Variants in ATP8B1 observed in about 807,000 individuals in gnomAD.
ATP8B1 encodes ATPase phospholipid transporting 8B1, also known as phospholipid-transporting ATPase IC.
Under a neutral mutation model 149.9 loss-of-function variants are expected in ATP8B1, and 80 were observed. The ratio of observed to expected loss-of-function variants is 0.53; its 90% CI spans 0.45 to 0.64. ATP8B1 has a LOEUF of 0.64. Ranked by LOEUF, ATP8B1 falls within the 30% of genes least tolerant of loss-of-function variation. The pLI is 0.00. For missense variants in ATP8B1, 1,247 were observed against 1,552.6 expected (o/e 0.80, Z 3.31); for synonymous variants, 536 against 562.8 (o/e 0.95, Z 0.67).
intron 26 of ATP8B1, among the ~76,000 whole-genome samples, chr18:57,651,191 C>T (rs1328389918): frequency 1.3e-5 from 2 of 152,176 alleles, no homozygotes; most frequent in Non-Finnish European, 2.9e-5. Context: ...ACTGCAGCCT[C>T]AACCTCCTGG....
At chr18:57,768,700 A>G (rs1057080337) in intron 1 of ATP8B1, among the ~76,000 whole-genome samples, 1 of 152,170 alleles carries the variant, frequency 6.6e-6, no homozygotes. Context: ...AAGTTCTAAA[A>G]ATAAAATGCA....
intron 1 of ATP8B1, among the ~76,000 whole-genome samples, chr18:57,783,087 A>G (rs2080372850): frequency 6.6e-6 from 1 of 152,058 alleles, no homozygotes; most frequent in Non-Finnish European, 1.5e-5. Context: ...TGCTGGGATT[A>G]CAGGCGTGAG....
chr18:57,795,034 A>AG (rs770346025), intron 1 of ATP8B1, among the ~76,000 whole-genome samples: 183 of 152,170 alleles, frequency 1.2e-3, no homozygotes, highest in Admixed American at 1.7e-3. Context: ...AAACTGAATA[A>AG]GGGGGGCTCA....
Position 57,661,680 on chromosome 18 carries a change from C to CAT in ATP8B1, c.2419-219_2419-218insAT, listed in dbSNP as rs200586970. Among the ~76,000 whole-genome samples, 39,731 of 111,840 alleles carry CAT rather than the reference C, an allele frequency of 0.36. 6,418 individuals are homozygous for CAT. Among genetic ancestry groups the CAT allele is most frequent in the South Asian group, 0.46 (1,488 of 3,228 alleles). 73.4% of individuals were successfully genotyped at this position (111,840 alleles called of 152,430 possible). On this transcript the variant is annotated intron_variant, in intron 21 of 27. Transcript: ENST00000648908. Reference sequence around the variant, plus strand: ...ATATGTATGTGTGTATGTATATACACACACACACACACACACATATATATA... The same window carrying CAT: ...ATATGTATGTGTGTATGTATATACACATACACACACACACACACATATATATA...
At chr18:57,697,975 A>G in intron 6 of ATP8B1, 108 bp from the exon 7 acceptor site, 1 of 1,072,682 alleles carries the variant, frequency 9.3e-7, no homozygotes, top group South Asian at 1.4e-5. Context: ...AGTCACAGAG[A>G]AAATGCTAAA....
At chr18:57,654,698 T>C (rs1370422958) in intron 23 of ATP8B1, among the ~76,000 whole-genome samples, 141 of 97,714 alleles carry the variant, frequency 1.4e-3, no homozygotes, top group Non-Finnish European at 2.8e-3. Flanking sequence ...TCCCCTCCTT[T>C]TTTTTTTTTT....
In ATP8B1 at chr18:57,648,602, C is replaced by T; in HGVS notation, c.3642G>A (p.Gln1214=). The change falls in exon 28 of 28, where the codon CAG becomes CAA. Residue 1214 remains glutamine (Q), a synonymous_variant. Coordinates refer to ENST00000648908, the MANE Select transcript of ATP8B1 (RefSeq NM_001374385.1). ...AGGAGATGAGGTCCGCGTAGCCCCGCTGGTGCGAGAAGGCGTAGGCCGAGC... is the reference window on the plus strand; with the variant it reads ...AGGAGATGAGGTCCGCGTAGCCCCGTTGGTGCGAGAAGGCGTAGGCCGAGC... ...TRRSAYAFSH[Q]RGYADLISSG... is the part of the protein sequence containing the mutation. 6.2e-7 allele frequency: 1 copy of T among 1,611,072 alleles called. No individual in the cohort carries two copies. The highest frequency in any genetic ancestry group is 1.1e-5 in the South Asian group (1 of 90,894).
At chr18:57,728,201 G>A (rs373441543) in intron 2 of ATP8B1, among the ~76,000 whole-genome samples, 1 of 152,134 alleles carries the variant, frequency 6.6e-6, no homozygotes, top group African/African-American at 2.4e-5. Context: ...AGAAACTAGC[G>A]CAGTTCAGGC....
intron 1 of ATP8B1, among the ~76,000 whole-genome samples, chr18:57,789,501 C>G (rs1287271598): frequency 2.6e-5 from 4 of 152,166 alleles, no homozygotes; most frequent in Non-Finnish European, 4.4e-5. Context: ...AAAAGCAGCA[C>G]CACTTTGTTA....
At chr18:57,786,912 C>T (rs941389062) in intron 1 of ATP8B1, among the ~76,000 whole-genome samples, 1 of 152,124 alleles carries the variant, frequency 6.6e-6, no homozygotes, top group African/African-American at 2.4e-5. Flanking sequence ...TTTTTTACGT[C>T]TAGTAAGGGG....
chr18:57,744,307 CAAAAAAAAAA>C (rs10680324), intron 1 of ATP8B1, among the ~76,000 whole-genome samples: 1 of 97,884 alleles, frequency 1.0e-5, no homozygotes, highest in African/African-American at 4.0e-5. Flanking sequence ...GAGACTGTCT[CAAAAAAAAAA>C]AAAAAAAAGA....
chr18:57,648,956 G>A (rs1273843033), intron 27 of ATP8B1, among the ~76,000 whole-genome samples: 2 of 151,518 alleles, frequency 1.3e-5, no homozygotes, highest in African/African-American at 2.4e-5. Flanking sequence ...TGAGTGCAAT[G>A]GCACGATCTT....
At chr18:57,798,095 C>T (rs191529415) in intron 1 of ATP8B1, among the ~76,000 whole-genome samples, 53 of 152,210 alleles carry the variant, frequency 3.5e-4, no homozygotes, top group Admixed American at 3.3e-3. Context: ...ATTCCCCCAG[C>T]ATAGTCTAAA....
At chr18:57,776,731 G>A (rs9963707) in intron 1 of ATP8B1, among the ~76,000 whole-genome samples, 84,747 of 151,494 alleles carry the variant, frequency 0.56, 24,362 homozygotes, top group East Asian at 0.7. Context: ...TTTTCACAAT[G>A]TGAAGCCTTC....
intron 1 of ATP8B1, among the ~76,000 whole-genome samples, chr18:57,782,709 CTATT>C (rs1414702982): frequency 1.3e-5 from 2 of 149,118 alleles, no homozygotes; most frequent in African/African-American, 4.9e-5. Flanking sequence ...AATATGAAAT[CTATT>C]TGTTTGAGCC....
In ATP8B1 at chr18:57,691,175, CAAAAAAAA is replaced by C. The variant is rs530091842; in HGVS notation, c.1220+624_1220+631del. On this transcript the variant is annotated intron_variant, in intron 12 of 27. Coordinates refer to ENST00000648908, the MANE Select transcript of ATP8B1 (RefSeq NM_001374385.1). ...GGGCAACAAGAGTGAAACTCCATCTCAAAAAAAAAAAAAAAAAAAGTAAAAGTAAAAAA... is the reference window on the plus strand; with the variant it reads ...GGGCAACAAGAGTGAAACTCCATCTCAAAAAAAAAAAGTAAAAGTAAAAAA... Among the ~76,000 whole-genome samples the C allele has an allele frequency of 7.5e-4, 44 of 58,896 alleles. No individual in the cohort carries two copies. The East Asian group carries it at 8.4e-3, about 11-fold the overall frequency. The allele number at this position is 58,896 out of a possible 152,430, so 38.6% of individuals were successfully genotyped here. A position where few individuals can be genotyped will look rare whatever the true frequency, so the allele number is the denominator to read the frequency against.
At chr18:57,742,111 C>A (rs1235678998) in intron 1 of ATP8B1, among the ~76,000 whole-genome samples, 2 of 152,134 alleles carry the variant, frequency 1.3e-5, no homozygotes, top group Non-Finnish European at 2.9e-5. Context: ...CTCAAGTGAT[C>A]CACCCACCTC....
chr18:57,695,478 T>G lies in ATP8B1; in HGVS notation c.753A>C (p.Gln251His). The change falls in exon 9 of 28, where the codon CAA becomes CAC. Residue 251 changes from glutamine to histidine, a missense_variant. By Grantham distance (24) the Gln-to-His change is conservative (BLOSUM62 0). Transcript: ENST00000648908. ...MSLEITDQYL[Q>H]REDTLATFDG... ...CAAATGTAGCCAATGTATCTTCTCT[T>G]TGGAGGTACTGGTCTGTGATTTCAA... The G allele has an allele frequency of 6.2e-7, 1 of 1,612,886 alleles. No individual in the cohort carries two copies. Among genetic ancestry groups the G allele is most frequent in the Non-Finnish European group, 8.5e-7 (1 of 1,178,922 alleles).
intron 1 of ATP8B1, among the ~76,000 whole-genome samples, chr18:57,769,184 C>T (rs60513821): frequency 0.011 from 1,667 of 152,236 alleles, 31 homozygotes; most frequent in African/African-American, 0.038. Flanking sequence ...GTATGCATTG[C>T]GCAAAACCTC....
Sources: gnomAD v4.1 joint callset for allele counts (sites outside exome capture counted in the v4.1 genomes callset) on GRCh38, gnomAD v4.1.1 for gene constraint, MANE v1.5 for transcripts, NCBI Gene and HGNC (gene_info 2026-07-23, HGNC 2026-07-21) for gene names.